IFNAR2: variants seen among roughly 807,000 people sequenced by gnomAD.
IFNAR2 encodes the protein interferon alpha and beta receptor subunit 2.
Under a neutral mutation model 49.4 loss-of-function variants are expected in IFNAR2, and 30 were observed. The ratio of observed to expected loss-of-function variants is 0.61; its 90% CI spans 0.45 to 0.82. IFNAR2 has a LOEUF of 0.82. Among genes scored for constraint, IFNAR2 ranks in the 40% least tolerant of loss-of-function variants. IFNAR2 has a pLI of 0.00. For synonymous variants in IFNAR2, 224 were observed against 234.5 expected, an observed-to-expected ratio of 0.96 and a Z score of 0.41; for missense variants, 600 against 622.7, an observed-to-expected ratio of 0.96 and a Z score of 0.39.
intron 2 of IFNAR2, 98 bp from the exon 3 acceptor site, chr21:33,243,575 C>G (rs1424257049): frequency 7.3e-6 from 8 of 1,098,352 alleles, no homozygotes; most frequent in Non-Finnish European, 8.3e-6. Flanking sequence ...AATCTGATAC[C>G]AATAAATGTG....
intron 4 of IFNAR2, among the ~76,000 whole-genome samples, chr21:33,246,405 C>A (rs1987411938): frequency 6.6e-6 from 1 of 152,148 alleles, no homozygotes; most frequent in Non-Finnish European, 1.5e-5. Context: ...TACTACATGC[C>A]AGGGGGTCCA....
At chr21:33,232,392 G>T (rs1290098325) in intron 1 of IFNAR2, among the ~76,000 whole-genome samples, 1 of 152,120 alleles carries the variant, frequency 6.6e-6, no homozygotes, top group African/African-American at 2.4e-5. Flanking sequence ...GGGAAAAAGA[G>T]AGGTATGTAT....
chr21:33,252,081 C>CATCTATCTATCTATCTATCT lies in IFNAR2; in HGVS notation c.541-562_541-543dup, dbSNP rs61192253. 919 of 381,072 alleles carry CATCTATCTATCTATCTATCT rather than the reference C, an allele frequency of 2.4e-3. 9 individuals are homozygous for CATCTATCTATCTATCTATCT. Among genetic ancestry groups the CATCTATCTATCTATCTATCT allele is most frequent in the Middle Eastern group, 9.3e-3 (23 of 2,474 alleles). 23.6% of individuals were successfully genotyped at this position (381,072 alleles called of 1,614,324 possible). ...CTGGGCAACAGAGTGAGACCCCATC[C>CATCTATCTATCTATCTATCT]ATCTATCTATCTATCTATCTATCTA... On this transcript the variant is annotated intron_variant, in intron 6 of 8. Coordinates refer to ENST00000342136, the MANE Select transcript of IFNAR2 (RefSeq NM_001289125.3).
intron 4 of IFNAR2, among the ~76,000 whole-genome samples, chr21:33,246,375 G>A (rs908558575): frequency 3.3e-5 from 5 of 152,210 alleles, no homozygotes; most frequent in Non-Finnish European, 4.4e-5. Context: ...CGGCTCCTCC[G>A]GCAAGTTTTA....
Position 33,238,348 on chromosome 21 carries a change from A to G in IFNAR2, c.-83-3492A>G, listed in dbSNP as rs200038068. 4.9e-3 allele frequency among the ~76,000 whole-genome samples: 745 copies of G among 152,038 alleles called. 5 individuals are homozygous for G. The highest frequency in any genetic ancestry group is 9.1e-3 in the Non-Finnish European group (618 of 67,916). ...GGTAAATTCTTCTTACTCCTATGTC[A>G]CCAGCCACAGACAGTCGCCACAAGC... On this transcript the variant is annotated intron_variant, in intron 1 of 8. Transcript: ENST00000342136.
At chr21:33,259,183 G>A (rs1164966207) in intron 7 of IFNAR2, among the ~76,000 whole-genome samples, 1 of 151,850 alleles carries the variant, frequency 6.6e-6, no homozygotes, top group East Asian at 1.9e-4. Context: ...TTTGTCCAAG[G>A]CCAAATTTTT....
rs114969958 is a variant in IFNAR2, at chr21:33,252,261, T to G, written c.541-401T>G. ...CCGTTGAATGGAGGTAATGCCTATT[T>G]TGCAGACTGTTTTGAAAGTCAAAAG... On this transcript the variant is annotated intron_variant, in intron 6 of 8. Transcript: ENST00000342136. 6.6e-4 allele frequency: 299 copies of G among 452,202 alleles called. 1 individual carries two copies. The highest frequency in any genetic ancestry group is 4.3e-3 in the African/African-American group (212 of 48,980). 28.0% of individuals were successfully genotyped at this position (452,202 alleles called of 1,614,324 possible).
intron 1 of IFNAR2, chr21:33,233,047 A>T (rs1006938917): frequency 1.0e-5 from 5 of 494,662 alleles, no homozygotes; most frequent in Non-Finnish European, 1.3e-5. Flanking sequence ...CAACAACTTG[A>T]TAAAAATATA....
chr21:33,243,169 G>A (rs1372537564), intron 2 of IFNAR2, among the ~76,000 whole-genome samples: 1 of 150,220 alleles, frequency 6.7e-6, no homozygotes, highest in Non-Finnish European at 1.5e-5. Flanking sequence ...TGCAGCCTCC[G>A]CCTCCTGGGT....
intron 2 of IFNAR2, 123 bp from the exon 3 acceptor site, chr21:33,243,550 C>A: frequency 2.3e-6 from 2 of 881,862 alleles, no homozygotes; most frequent in Non-Finnish European, 3.7e-6. Flanking sequence ...ATTTTTTTGG[C>A]ACAAGAAAAA....
chr21:33,239,548 G>T (rs1362829607), intron 1 of IFNAR2, among the ~76,000 whole-genome samples: 1 of 147,006 alleles, frequency 6.8e-6, no homozygotes, highest in Non-Finnish European at 1.5e-5. Flanking sequence ...CTCCCTCCTG[G>T]GGCCCAGAGT....
At chr21:33,247,117 C>G (rs577952546) in intron 5 of IFNAR2, among the ~76,000 whole-genome samples, 1 of 152,148 alleles carries the variant, frequency 6.6e-6, no homozygotes, top group African/African-American at 2.4e-5. Flanking sequence ...AGATTTGCCC[C>G]GTGCCTGTAT....
At position 33,265,227 on chromosome 21, in the gene IFNAR2, A is replaced by G. The variant is rs1988884934; in HGVS notation, c.*1727A>G. 1 of 152,218 alleles carries G rather than the reference A, an allele frequency of 6.6e-6. No homozygotes were observed. The highest frequency in any genetic ancestry group is 2.1e-4 in the South Asian group (1 of 4,830). 9.4% of individuals were successfully genotyped at this position (152,218 alleles called of 1,614,324 possible). ...TGTACAAGAATGAACACTCAGGTGG[A>G]AATGCTGCAATCCTGAGAAGCTCCC... On this transcript the variant is annotated 3_prime_UTR_variant, in exon 9 of 9. Transcript: ENST00000342136.
intron 3 of IFNAR2, among the ~76,000 whole-genome samples, chr21:33,243,924 G>C (rs1248651780): frequency 6.6e-6 from 1 of 152,148 alleles, no homozygotes; most frequent in Non-Finnish European, 1.5e-5. Context: ...GAACACTAGA[G>C]ATCATTTTTA....
intron 1 of IFNAR2, among the ~76,000 whole-genome samples, chr21:33,235,227 C>T (rs1986359166): frequency 6.6e-6 from 1 of 152,178 alleles, no homozygotes; most frequent in Non-Finnish European, 1.5e-5. Context: ...GTCTTTGTGA[C>T]CTCCTGTTTT....
chr21:33,250,509 G>A (rs1258506596), intron 6 of IFNAR2, among the ~76,000 whole-genome samples: 3 of 152,110 alleles, frequency 2.0e-5, no homozygotes, highest in Non-Finnish European at 2.9e-5. Context: ...AGTAGTGAGA[G>A]GCCATCAAAT....
At chr21:33,247,483 C>T (rs2123487341) in intron 5 of IFNAR2, among the ~76,000 whole-genome samples, 1 of 152,112 alleles carries the variant, frequency 6.6e-6, no homozygotes, top group South Asian at 2.1e-4. Context: ...CTCCTGACCT[C>T]AAGTGATCCA....
chr21:33,248,865 T>A lies in IFNAR2; in HGVS notation c.540+11T>A. 6.3e-7 allele frequency: 1 copy of A among 1,581,894 alleles called. No individual in the cohort carries two copies. Among genetic ancestry groups the A allele is most frequent in the Non-Finnish European group, 8.6e-7 (1 of 1,163,876 alleles). ...GGAATTGTTAAGAAGGTAAGTGGCT[T>A]CTCCTGTTAGGATCAAAACAGTTCT... On this transcript the variant is annotated intron_variant, in intron 6 of 8. Coordinates refer to ENST00000342136, the MANE Select transcript of IFNAR2 (RefSeq NM_001289125.3).
In IFNAR2 at chr21:33,263,174, G is replaced by C; in HGVS notation, c.1222G>C (p.Glu408Gln). The C allele has an allele frequency of 6.2e-7, 1 of 1,614,206 alleles. No homozygotes were observed. The highest frequency in any genetic ancestry group is 8.5e-7 in the Non-Finnish European group (1 of 1,180,034). ...RKSPLQDPFP[E>Q]EDYSSTEGSG... ...GAGTCCACTCCAGGACCCTTTTCCC[G>C]AAGAGGACTACAGCTCCACGGAGGG... is the stretch of plus-strand genomic sequence containing the variant. The change falls in exon 9 of 9, where the codon GAA becomes CAA. Residue 408 changes from glutamate to glutamine, a missense_variant. Coordinates refer to ENST00000342136, the MANE Select transcript of IFNAR2 (RefSeq NM_001289125.3).
Sources: allele counts gnomAD v4.1 joint callset (sites outside exome capture counted in the v4.1 genomes callset), GRCh38; gene constraint gnomAD v4.1.1; transcripts MANE v1.5; gene names NCBI Gene and HGNC (gene_info 2026-07-23, HGNC 2026-07-21).